The following DOCK1 variants were observed in gnomAD, a reference collection of about 807,000 sequenced individuals.
The protein encoded by DOCK1 is dedicator of cytokinesis protein 1.
A neutral mutation model predicts 262.7 loss-of-function variants in DOCK1; 138 were observed. The observed-to-expected ratio is 0.53, with a 90% CI of 0.46 to 0.61. The LOEUF (loss-of-function observed/expected upper bound fraction) is 0.61. Ranked by LOEUF, DOCK1 falls within the 20% of genes least tolerant of loss-of-function variation. DOCK1 has a pLI of 0.00. For missense variants in DOCK1, 1,908 were observed against 2,370.7 expected (o/e 0.80, Z 4.05); for synonymous variants, 866 against 867.4 (o/e 1.00, Z 0.03).
chr10:127,067,584 T>C (rs926479474), intron 23 of DOCK1, among the ~76,000 whole-genome samples: 1 of 151,608 alleles, frequency 6.6e-6, no homozygotes, highest in African/African-American at 2.4e-5. Context: ...CATGAAGAAG[T>C]TCTACACTGA....
chr10:126,937,181 G>C (rs936043115), intron 1 of DOCK1, among the ~76,000 whole-genome samples: 1 of 152,128 alleles, frequency 6.6e-6, no homozygotes, highest in Non-Finnish European at 1.5e-5. Flanking sequence ...TTCTTTGTAA[G>C]GCTGAATAAT....
chr10:127,423,094 G>C (rs187843688), intron 46 of DOCK1, among the ~76,000 whole-genome samples: 36 of 152,278 alleles, frequency 2.4e-4, no homozygotes, highest in African/African-American at 6.0e-4. Context: ...AACATTACCT[G>C]TGATTTTGCT....
chr10:127,394,851 A>G (rs939390190), intron 38 of DOCK1, among the ~76,000 whole-genome samples: 1 of 152,146 alleles, frequency 6.6e-6, no homozygotes, highest in Non-Finnish European at 1.5e-5. Flanking sequence ...TTCTAGCATC[A>G]GGGCTCTCAT....
At chr10:127,183,229 C>G (rs1483391749) in intron 27 of DOCK1, among the ~76,000 whole-genome samples, 1 of 151,886 alleles carries the variant, frequency 6.6e-6, no homozygotes, top group African/African-American at 2.4e-5. Context: ...TTGAGGATAC[C>G]CTATTGGGAC....
rs1051631029 is a variant in DOCK1 at position 126,960,444 on chromosome 10, C to T, written c.47-10258C>T. ...GAGCAGTCGCCTGGCGGTATATTGT[C>T]GGGATGTGCAAGGCTGCTGTTGAGC... is the stretch of plus-strand genomic sequence containing the variant. On this transcript the variant is annotated intron_variant, in intron 1 of 51. Transcript: ENST00000623213. 7.5e-3 allele frequency among the ~76,000 whole-genome samples: 1,129 copies of T among 150,906 alleles called. 14 individuals are homozygous for T. The highest frequency in any genetic ancestry group is 0.026 in the African/African-American group (1,071 of 41,134).
intron 10 of DOCK1, chr10:127,000,925 TTCC>T (rs1417531437): frequency 6.4e-6 from 1 of 155,296 alleles, no homozygotes; most frequent in Non-Finnish European, 1.4e-5. Flanking sequence ...GCTGGTGCTC[TTCC>T]TCCACCCTGC....
chr10:127,186,702 T>G (rs996043585), intron 27 of DOCK1, among the ~76,000 whole-genome samples: 4 of 151,888 alleles, frequency 2.6e-5, no homozygotes, highest in Non-Finnish European at 4.4e-5. Context: ...TATAAAATTA[T>G]ACTAAATAAG....
intron 10 of DOCK1, among the ~76,000 whole-genome samples, chr10:127,002,490 A>G (rs2040663194): frequency 6.6e-6 from 1 of 152,188 alleles, no homozygotes; most frequent in Non-Finnish European, 1.5e-5. Context: ...GGAGAGGGTG[A>G]TGGGCATGGG....
At chr10:127,145,356 T>C (rs762986324) in intron 27 of DOCK1, among the ~76,000 whole-genome samples, 1 of 152,186 alleles carries the variant, frequency 6.6e-6, no homozygotes, top group South Asian at 2.1e-4. Flanking sequence ...GCATATCTTA[T>C]GCCATCCCCC....
rs1374714723 is a variant in DOCK1 at position 127,316,838 on chromosome 10, C to A, written c.3045-22168C>A. 2.6e-5 allele frequency among the ~76,000 whole-genome samples: 4 copies of A among 152,166 alleles called. No homozygotes were observed. In the East Asian group the frequency reaches 7.7e-4, roughly 29 times the overall value. On this transcript the variant is annotated intron_variant, in intron 29 of 51. Coordinates refer to ENST00000623213, the MANE Select transcript of DOCK1 (RefSeq NM_001290223.2). ...TGCCCCACTGGATCCCAGGTACACT[C>A]GTGGCCATGTGTGTGGGTGGGCTTG...
chr10:127,278,299 A>C (rs2135251073), intron 29 of DOCK1, among the ~76,000 whole-genome samples: 1 of 149,598 alleles, frequency 6.7e-6, no homozygotes, highest in African/African-American at 2.5e-5. Flanking sequence ...AGAGACCGTT[A>C]GCATGCGGTA....
chr10:127,298,713 C>A (rs1278018262), intron 29 of DOCK1, among the ~76,000 whole-genome samples: 1 of 152,182 alleles, frequency 6.6e-6, no homozygotes, highest in Non-Finnish European at 1.5e-5. Flanking sequence ...CAGGAAACAC[C>A]TAGCAAACTT....
chr10:127,030,173 G>T (rs760428482), intron 16 of DOCK1, among the ~76,000 whole-genome samples: 9 of 152,182 alleles, frequency 5.9e-5, no homozygotes, highest in Non-Finnish European at 1.0e-4. Context: ...GCGGGTGGAT[G>T]TGTCATTCTC....
At chr10:127,362,361 A>G (rs2133931557) in intron 33 of DOCK1, 149 bp downstream of exon 33, 1 of 978,418 alleles carries the variant, frequency 1.0e-6, no homozygotes, top group Non-Finnish European at 1.4e-6. Context: ...AAAGCCTATG[A>G]TTTTCCTTAT....
intron 22 of DOCK1, among the ~76,000 whole-genome samples, chr10:127,053,171 A>G (rs906743517): frequency 6.6e-6 from 1 of 152,136 alleles, no homozygotes; most frequent in Non-Finnish European, 1.5e-5. Flanking sequence ...AAAAAGTCCC[A>G]AAAGAAAAAC....
chr10:127,418,967 G>T (rs1000318565), intron 45 of DOCK1, among the ~76,000 whole-genome samples: 4 of 152,250 alleles, frequency 2.6e-5, no homozygotes, highest in African/African-American at 9.6e-5. Context: ...GGAATGGGCA[G>T]AAGTTGAAGG....
intron 23 of DOCK1, among the ~76,000 whole-genome samples, chr10:127,075,313 T>TTAG (rs1168483846): frequency 3.9e-5 from 6 of 152,038 alleles, no homozygotes; most frequent in Non-Finnish European, 7.4e-5. Context: ...TCACTGTCAC[T>TTAG]TAGGCTGTAG....
At chr10:127,405,497 G>T (rs1436544272) in intron 40 of DOCK1, among the ~76,000 whole-genome samples, 1 of 146,098 alleles carries the variant, frequency 6.8e-6, no homozygotes, top group Non-Finnish European at 1.5e-5. Context: ...GACTATGTGT[G>T]ATTGCTCTGG....
At chr10:127,171,476 T>C (rs1313932003) in intron 27 of DOCK1, among the ~76,000 whole-genome samples, 1 of 152,042 alleles carries the variant, frequency 6.6e-6, no homozygotes, top group African/African-American at 2.4e-5. Context: ...TTAAGTATAG[T>C]GTGGAAATGT....
Sources: gnomAD v4.1 joint callset for allele counts (sites outside exome capture counted in the v4.1 genomes callset) on GRCh38, gnomAD v4.1.1 for gene constraint, MANE v1.5 for transcripts, NCBI Gene and HGNC (gene_info 2026-07-23, HGNC 2026-07-21) for gene names.